Variants in RBFOX1 observed in about 807,000 individuals in gnomAD.
The protein encoded by RBFOX1 is RNA binding protein fox-1 homolog 1.
A neutral mutation model predicts 57.7 loss-of-function variants in RBFOX1; 8 were observed. That is an observed-to-expected ratio of 0.14 (90% CI 0.08 to 0.25). The LOEUF is 0.25. Ranked by LOEUF, RBFOX1 falls within the 10% of genes least tolerant of loss-of-function variation. The pLI is 1.00. For synonymous variants in RBFOX1, 326 were observed against 222.4 expected (o/e 1.47, Z -4.15); for missense variants, 611 against 548.5 (o/e 1.11, Z -1.14).
chr16:5,910,878 G>A (rs1176293486), intron 4 of RBFOX1, among the ~76,000 whole-genome samples: 2 of 152,148 alleles, frequency 1.3e-5, no homozygotes, highest in African/African-American at 4.8e-5. Flanking sequence ...ATGGAAGCTG[G>A]TGTACAAACA....
At chr16:7,457,624 G>A (rs1302734484) in intron 4 of RBFOX1, among the ~76,000 whole-genome samples, 1 of 152,114 alleles carries the variant, frequency 6.6e-6, no homozygotes, top group Non-Finnish European at 1.5e-5. Context: ...TCCTTGTGAA[G>A]TGTTTTAAAT....
chr16:7,337,296 C>T (rs987796353), intron 4 of RBFOX1, among the ~76,000 whole-genome samples: 1 of 152,012 alleles, frequency 6.6e-6, no homozygotes, highest in Non-Finnish European at 1.5e-5. Flanking sequence ...AGGAAGTAAC[C>T]CAGTGCCTCT....
chr16:6,919,786 T>TC (rs2074056078), intron 3 of RBFOX1, among the ~76,000 whole-genome samples: 1 of 146,438 alleles, frequency 6.8e-6, no homozygotes, highest in Non-Finnish European at 1.5e-5. Flanking sequence ...TTTTTTTTTT[T>TC]CATTATTATT....
chr16:6,502,906 C>A (rs1025463835), intron 2 of RBFOX1, among the ~76,000 whole-genome samples: 1 of 152,002 alleles, frequency 6.6e-6, no homozygotes, highest in Non-Finnish European at 1.5e-5. Flanking sequence ...AACTTGTAAA[C>A]CGTCATATTA....
rs7198736 is a variant in RBFOX1 at position 7,071,704 on chromosome 16, A to C, written c.27+19606A>C. On this transcript the variant is annotated intron_variant, in intron 4 of 15. Transcript: ENST00000550418. ...TTTCCCAGTATTGAAATACTACCTG[A>C]ATTCTAGGTCCCTATACACAAAAAG... Among the ~76,000 whole-genome samples the C allele has an allele frequency of 7.0e-3, 1,066 of 151,922 alleles. 14 individuals are homozygous for C. Among genetic ancestry groups the C allele is most frequent in the African/African-American group, 0.024 (1,012 of 41,400 alleles).
chr16:7,109,214 A>G (rs1186642156), intron 4 of RBFOX1, among the ~76,000 whole-genome samples: 1 of 152,144 alleles, frequency 6.6e-6, no homozygotes, highest in Non-Finnish European at 1.5e-5. Context: ...TATAAAGGAT[A>G]CCAGTAGATT....
intron 2 of RBFOX1, among the ~76,000 whole-genome samples, chr16:6,537,177 G>A (rs1303706857): frequency 6.6e-6 from 1 of 152,014 alleles, no homozygotes; most frequent in African/African-American, 2.4e-5. Context: ...TGCATATTCT[G>A]TTTCGTAGGT....
At chr16:6,624,274 T>C (rs1029768526) in intron 2 of RBFOX1, among the ~76,000 whole-genome samples, 3 of 152,228 alleles carry the variant, frequency 2.0e-5, no homozygotes, top group African/African-American at 7.2e-5. Flanking sequence ...GTTGCTTCCT[T>C]TGCAAAAGTA....
At chr16:6,305,210 T>C (rs1384172254) in intron 1 of RBFOX1, among the ~76,000 whole-genome samples, 1 of 152,202 alleles carries the variant, frequency 6.6e-6, no homozygotes, top group East Asian at 1.9e-4. Flanking sequence ...AGAGCAAATA[T>C]AGCACAACTG....
At chr16:7,053,907 T>G (rs1331533642) in intron 4 of RBFOX1, among the ~76,000 whole-genome samples, 1 of 152,120 alleles carries the variant, frequency 6.6e-6, no homozygotes, top group African/African-American at 2.4e-5. Context: ...ATGGCACATT[T>G]GATTGGATAG....
intron 1 of RBFOX1, among the ~76,000 whole-genome samples, chr16:6,123,492 G>A (rs2096566742): frequency 6.6e-6 from 1 of 152,090 alleles, no homozygotes; most frequent in Non-Finnish European, 1.5e-5. Flanking sequence ...GGTTACCAGG[G>A]GCTGAAATGT....
chr16:6,094,022 G>C (rs2096212712), intron 1 of RBFOX1, among the ~76,000 whole-genome samples: 1 of 152,154 alleles, frequency 6.6e-6, no homozygotes, highest in Admixed American at 6.5e-5. Context: ...GTGTTCTGTG[G>C]AGGGTTTCTA....
At chr16:7,448,396 C>G (rs552681700) in intron 4 of RBFOX1, among the ~76,000 whole-genome samples, 21 of 152,254 alleles carry the variant, frequency 1.4e-4, no homozygotes, top group African/African-American at 5.1e-4. Flanking sequence ...GGAGACCTCA[C>G]AATCATGGTG....
chr16:7,396,773 C>G (rs528280060), intron 4 of RBFOX1, among the ~76,000 whole-genome samples: 1 of 152,224 alleles, frequency 6.6e-6, no homozygotes, highest in East Asian at 1.9e-4. Context: ...AACTGCATCT[C>G]TACTAAAAAT....
At chr16:5,604,764 C>A (rs1050350301), downstream of RBFOX1, among the ~76,000 whole-genome samples, 1 of 152,082 alleles carries the variant, frequency 6.6e-6, no homozygotes, top group African/African-American at 2.4e-5. Context: ...AGCATTTTCC[C>A]TTTTTCTTGC....
chr16:5,251,436 T>C (rs1391263809), intron 1 of RBFOX1, among the ~76,000 whole-genome samples: 1 of 152,214 alleles, frequency 6.6e-6, no homozygotes. Flanking sequence ...TGCTAGACTG[T>C]GGCTTTACCG....
At chr16:6,035,443 C>G (rs2095353368) in intron 1 of RBFOX1, among the ~76,000 whole-genome samples, 1 of 152,240 alleles carries the variant, frequency 6.6e-6, no homozygotes, top group Non-Finnish European at 1.5e-5. Flanking sequence ...CACAGTAGCA[C>G]TGCCCAACAA....
intron 4 of RBFOX1, among the ~76,000 whole-genome samples, chr16:7,151,241 A>T (rs566504310): frequency 3.9e-5 from 6 of 152,324 alleles, no homozygotes; most frequent in African/African-American, 1.4e-4. Flanking sequence ...AGAATGGGAG[A>T]TGGGCCACAT....
chr16:6,783,542 G>A (rs1024200430), intron 3 of RBFOX1, among the ~76,000 whole-genome samples: 3 of 151,514 alleles, frequency 2.0e-5, no homozygotes, highest in South Asian at 2.1e-4. Flanking sequence ...TAAATTCTAC[G>A]CTTTATCTCC....
Sources: allele counts gnomAD v4.1 joint callset (sites outside exome capture counted in the v4.1 genomes callset), GRCh38; gene constraint gnomAD v4.1.1; transcripts MANE v1.5; gene names NCBI Gene and HGNC (gene_info 2026-07-23, HGNC 2026-07-21).